Variants in NRG3 observed in about 807,000 individuals in gnomAD.
NRG3 encodes the protein neuregulin 3, also known as pro-neuregulin-3, membrane-bound isoform.
A neutral mutation model predicts 66.9 loss-of-function variants in NRG3; 31 were observed. That is an observed-to-expected ratio of 0.46 (90% CI 0.35 to 0.63). The LOEUF (loss-of-function observed/expected upper bound fraction) is 0.63. Among genes scored for constraint, NRG3 ranks in the 20% least tolerant of loss-of-function variants. The pLI is 0.00. For missense variants in NRG3, 910 were observed against 878.9 expected, an observed-to-expected ratio of 1.04 and a Z score of -0.45; for synonymous variants, 393 against 359.4, an observed-to-expected ratio of 1.09 and a Z score of -1.06.
At chr10:82,893,721 A>G (rs1481894300) in intron 4 of NRG3, among the ~76,000 whole-genome samples, 2 of 152,130 alleles carry the variant, frequency 1.3e-5, no homozygotes, top group Non-Finnish European at 2.9e-5. Context: ...AAATACAAAT[A>G]CTTCATATTG....
At chr10:82,693,360 A>G (rs1236840032) in intron 2 of NRG3, among the ~76,000 whole-genome samples, 1 of 152,160 alleles carries the variant, frequency 6.6e-6, no homozygotes, top group East Asian at 1.9e-4. Flanking sequence ...GCATTTTTTA[A>G]AAGAGCAAAG....
intron 1 of NRG3, among the ~76,000 whole-genome samples, chr10:82,060,944 G>A (rs1469696119): frequency 6.6e-6 from 1 of 152,220 alleles, no homozygotes; most frequent in Non-Finnish European, 1.5e-5. Context: ...AGTCTTTGAG[G>A]TCAGGCCTGT....
chr10:82,251,786 C>T (rs962281716), intron 1 of NRG3, among the ~76,000 whole-genome samples: 70 of 152,168 alleles, frequency 4.6e-4, no homozygotes, highest in Admixed American at 4.6e-3. Flanking sequence ...GCAGCACTGA[C>T]ACTAAATAAA....
chr10:81,935,063 T>A (rs1317227628), intron 1 of NRG3, among the ~76,000 whole-genome samples: 3 of 152,246 alleles, frequency 2.0e-5, no homozygotes, highest in African/African-American at 7.2e-5. Flanking sequence ...ATTTTATTCA[T>A]GGATTAAAGC....
chr10:82,833,644 A>T (rs1591662517), intron 3 of NRG3, among the ~76,000 whole-genome samples: 1 of 152,136 alleles, frequency 6.6e-6, no homozygotes, highest in East Asian at 1.9e-4. Context: ...TAGGTCCAAG[A>T]CCAAGGTCTC....
At chr10:82,955,730 A>G (rs1183844521) in intron 5 of NRG3, among the ~76,000 whole-genome samples, 1 of 151,932 alleles carries the variant, frequency 6.6e-6, no homozygotes, top group Non-Finnish European at 1.5e-5. Context: ...TAGATCCCAA[A>G]AAAAGCCTCT....
At chr10:82,253,401 G>GTCC (rs2077575753) in intron 1 of NRG3, among the ~76,000 whole-genome samples, 1 of 152,102 alleles carries the variant, frequency 6.6e-6, no homozygotes, top group Non-Finnish European at 1.5e-5. Context: ...TCACACAATG[G>GTCC]GGGAGCTTGG....
At chr10:82,470,062 T>A (rs1841097003) in intron 2 of NRG3, among the ~76,000 whole-genome samples, 4 of 152,152 alleles carry the variant, frequency 2.6e-5, no homozygotes. Flanking sequence ...TGTGCTGCTG[T>A]CAGGTGGGAG....
intron 1 of NRG3, among the ~76,000 whole-genome samples, chr10:82,309,974 T>G (rs1450535971): frequency 1.3e-5 from 2 of 152,120 alleles, no homozygotes; most frequent in Non-Finnish European, 2.9e-5. Flanking sequence ...CCATTCTATC[T>G]CCAAATTATT....
At chr10:82,781,603 G>T (rs1182382159) in intron 3 of NRG3, among the ~76,000 whole-genome samples, 1 of 151,974 alleles carries the variant, frequency 6.6e-6, no homozygotes, top group South Asian at 2.1e-4. Flanking sequence ...TTTTCTTGGG[G>T]TCAGCTTATT....
At chr10:82,309,743 A>T (rs542065609) in intron 1 of NRG3, among the ~76,000 whole-genome samples, 2 of 152,298 alleles carry the variant, frequency 1.3e-5, no homozygotes, top group East Asian at 3.9e-4. Flanking sequence ...TTAGGAGCAA[A>T]AACAAAGTCC....
intron 2 of NRG3, among the ~76,000 whole-genome samples, chr10:82,612,692 T>C (rs1211893645): frequency 6.6e-6 from 1 of 152,186 alleles, no homozygotes; most frequent in Non-Finnish European, 1.5e-5. Context: ...TACTGGAGTT[T>C]CCCAGGTTCC....
chr10:82,489,404 T>C (rs1842927164), intron 2 of NRG3, among the ~76,000 whole-genome samples: 1 of 152,200 alleles, frequency 6.6e-6, no homozygotes, highest in Non-Finnish European at 1.5e-5. Context: ...ATGGCTGGTA[T>C]TGCATCAGCA....
intron 1 of NRG3, among the ~76,000 whole-genome samples, chr10:82,159,787 A>G (rs931179003): frequency 1.3e-4 from 20 of 151,892 alleles, no homozygotes; most frequent in Admixed American, 3.3e-4. Flanking sequence ...GGTTCTATAC[A>G]GAGGGAGTTA....
Position 82,575,867 on chromosome 10 carries a change from A to G in NRG3, c.954-162710A>G, listed in dbSNP as rs938603341. Among the ~76,000 whole-genome samples, 27 of 151,874 alleles carry G rather than the reference A, an allele frequency of 1.8e-4. 1 individual carries two copies. Among genetic ancestry groups the G allele is most frequent in the African/African-American group, 4.8e-4 (20 of 41,494 alleles). On this transcript the variant is annotated intron_variant, in intron 2 of 8. Coordinates refer to ENST00000372141, the MANE Select transcript of NRG3 (RefSeq NM_001010848.4). ...GTTCAACGTATGTCAAGAGCTTAAAACAATTTCTCATGCATGAGTGAAGCT... is the reference window on the plus strand; with the variant it reads ...GTTCAACGTATGTCAAGAGCTTAAAGCAATTTCTCATGCATGAGTGAAGCT...
intron 1 of NRG3, among the ~76,000 whole-genome samples, chr10:82,208,080 C>T (rs2075216044): frequency 6.6e-6 from 1 of 152,058 alleles, no homozygotes; most frequent in South Asian, 2.1e-4. Context: ...ATTATGATCA[C>T]AATTTAAAAG....
At chr10:82,329,616 G>T (rs1049295315) in intron 1 of NRG3, among the ~76,000 whole-genome samples, 4 of 151,992 alleles carry the variant, frequency 2.6e-5, no homozygotes, top group Admixed American at 6.6e-5. Flanking sequence ...GTCATATTGA[G>T]TCATTGTAAA....
At chr10:82,645,867 A>G (rs1045630632) in intron 2 of NRG3, among the ~76,000 whole-genome samples, 3 of 151,278 alleles carry the variant, frequency 2.0e-5, no homozygotes, top group African/African-American at 7.3e-5. Context: ...TTCCTATCTT[A>G]TTGAGCAACT....
At chr10:81,944,626 A>G (rs946041698) in intron 1 of NRG3, among the ~76,000 whole-genome samples, 1 of 152,162 alleles carries the variant, frequency 6.6e-6, no homozygotes, top group East Asian at 1.9e-4. Context: ...ACAAAAGGCA[A>G]TGATATGCCT....
Sources: gnomAD v4.1 joint callset for allele counts (sites outside exome capture counted in the v4.1 genomes callset) on GRCh38, gnomAD v4.1.1 for gene constraint, MANE v1.5 for transcripts, NCBI Gene and HGNC (gene_info 2026-07-23, HGNC 2026-07-21) for gene names.